PLXDC1: variants seen among roughly 807,000 people sequenced by gnomAD.
The protein encoded by PLXDC1 is plexin domain containing 1.
A neutral mutation model predicts 61.3 loss-of-function variants in PLXDC1; 39 were observed. The ratio of observed to expected loss-of-function variants is 0.64; its 90% CI spans 0.49 to 0.83. The LOEUF is 0.83. Among genes scored for constraint, PLXDC1 ranks in the 40% least tolerant of loss-of-function variants. PLXDC1 has a pLI of 0.00. For missense variants in PLXDC1, 596 were observed against 666.5 expected, an observed-to-expected ratio of 0.89 and a Z score of 1.17; for synonymous variants, 212 against 254.5, an observed-to-expected ratio of 0.83 and a Z score of 1.59.
chr17:39,069,810 C>T (rs937340205), intron 13 of PLXDC1, 46 bp downstream of exon 13: 23 of 1,538,222 alleles, frequency 1.5e-5, no homozygotes, highest in Middle Eastern at 1.9e-4. Context: ...CAGGAGACGC[C>T]GACGCAGAAG....
intron 2 of PLXDC1, among the ~76,000 whole-genome samples, chr17:39,120,706 C>T (rs1171157461): frequency 1.3e-5 from 2 of 151,202 alleles, no homozygotes; most frequent in Non-Finnish European, 2.9e-5. Context: ...ATCCTTCCGC[C>T]TCAGCCTCTT....
intron 7 of PLXDC1, among the ~76,000 whole-genome samples, chr17:39,102,338 A>G (rs1030898539): frequency 6.6e-6 from 1 of 152,184 alleles, no homozygotes; most frequent in Non-Finnish European, 1.5e-5. Context: ...AGTAGGTGAC[A>G]GGCATGCCCA....
intron 8 of PLXDC1, 42 bp downstream of exon 8, chr17:39,087,564 AC>A (rs1424127776): frequency 4.8e-6 from 7 of 1,457,662 alleles, no homozygotes; most frequent in Non-Finnish European, 6.7e-6. Context: ...AGTCTGCTTG[AC>A]TCCAGAGCTC....
At chr17:39,143,696 T>C (rs947484765) in intron 1 of PLXDC1, among the ~76,000 whole-genome samples, 1 of 152,248 alleles carries the variant, frequency 6.6e-6, no homozygotes, top group African/African-American at 2.4e-5. Context: ...TGGCGCCTAC[T>C]GGACCCTTGC....
intron 2 of PLXDC1, among the ~76,000 whole-genome samples, chr17:39,136,528 C>G (rs762332331): frequency 6.6e-6 from 1 of 152,008 alleles, no homozygotes; most frequent in African/African-American, 2.4e-5. Context: ...GGATTACAGG[C>G]GTGAGCCACC....
intron 11 of PLXDC1, among the ~76,000 whole-genome samples, chr17:39,075,028 T>A (rs1300867480): frequency 6.6e-6 from 1 of 152,156 alleles, no homozygotes; most frequent in Non-Finnish European, 1.5e-5. Context: ...GGTGCAATCA[T>A]AGCTCACTGC....
chr17:39,130,735 T>A (rs1286939496), intron 2 of PLXDC1, among the ~76,000 whole-genome samples: 6 of 151,908 alleles, frequency 3.9e-5, no homozygotes, highest in Admixed American at 1.3e-4. Flanking sequence ...TAATTTTGTA[T>A]TATTTTAGTA....
At chr17:39,075,239 G>A (rs78838079) in intron 11 of PLXDC1, among the ~76,000 whole-genome samples, 5,423 of 152,316 alleles carry the variant, frequency 0.036, 91 homozygotes, top group African/African-American at 0.041. Context: ...GATTACAGGC[G>A]TAAGCCTCCT....
intron 2 of PLXDC1, among the ~76,000 whole-genome samples, chr17:39,120,767 T>C (rs2143781067): frequency 6.8e-6 from 1 of 146,682 alleles, no homozygotes; most frequent in South Asian, 2.1e-4. Context: ...AATTTTTTTT[T>C]TTTTTTTTTT....
At chr17:39,129,556 G>T (rs1911466869) in intron 2 of PLXDC1, among the ~76,000 whole-genome samples, 1 of 151,480 alleles carries the variant, frequency 6.6e-6, no homozygotes, top group African/African-American at 2.4e-5. Flanking sequence ...GGCGGAGGTT[G>T]CAGTGAGCTG....
intron 1 of PLXDC1, among the ~76,000 whole-genome samples, chr17:39,148,068 G>A (rs952480438): frequency 2.0e-5 from 3 of 152,084 alleles, no homozygotes; most frequent in African/African-American, 7.2e-5. Flanking sequence ...CGGAGGGGAC[G>A]GCAGCTGGAG....
rs1342673935 is a variant in PLXDC1, at chr17:39,066,093, C to CT, written c.*1746dup. 6.6e-6 allele frequency: 1 copy of CT among 152,242 alleles called. No homozygotes were observed. The highest frequency in any genetic ancestry group is 1.9e-4 in the East Asian group (1 of 5,196). 9.4% of individuals were successfully genotyped at this position (152,242 alleles called of 1,614,324 possible). A position where few individuals can be genotyped will look rare whatever the true frequency, so the allele number is the denominator to read the frequency against. ...TGCTAGGTATGTCTCAAGGAGCCCT[C>CT]TAGCCACCCGACTTGTCTTTAATGC... On this transcript the variant is annotated 3_prime_UTR_variant, in exon 14 of 14. Transcript: ENST00000315392.
chr17:39,106,590 G>A (rs1910596488), intron 6 of PLXDC1, among the ~76,000 whole-genome samples: 1 of 151,480 alleles, frequency 6.6e-6, no homozygotes, highest in Middle Eastern at 3.5e-3. Flanking sequence ...CAAAGCGCTG[G>A]GGTTATGAGC....
intron 11 of PLXDC1, among the ~76,000 whole-genome samples, chr17:39,075,637 G>T (rs577927093): frequency 6.6e-6 from 1 of 152,144 alleles, no homozygotes. Context: ...TAATTTATGC[G>T]CTACTTTAGC....
At chr17:39,078,864 C>G (rs1409907714) in intron 10 of PLXDC1, among the ~76,000 whole-genome samples, 2 of 152,206 alleles carry the variant, frequency 1.3e-5, no homozygotes, top group Non-Finnish European at 2.9e-5. Context: ...TTGAGAGCTG[C>G]CCACTTAAGG....
chr17:39,066,606 GACGGAGTCTCGCTC>G lies in PLXDC1; in HGVS notation c.*1220_*1233del, dbSNP rs1314682597. 1.3e-4 allele frequency: 20 copies of G among 150,502 alleles called. No individual in the cohort carries two copies. The highest frequency in any genetic ancestry group is 9.2e-4 in the Admixed American group (14 of 15,142). 9.3% of individuals were successfully genotyped at this position (150,502 alleles called of 1,614,324 possible). ...ATCTGCTTTCTTTTTTTTTTTTTGA[GACGGAGTCTCGCTC>G]TGTCACCCAGGCTGGAGTGCAGTGG... On this transcript the variant is annotated 3_prime_UTR_variant, in exon 14 of 14. Transcript: ENST00000315392.
At chr17:39,096,323 G>C (rs185874509) in intron 7 of PLXDC1, among the ~76,000 whole-genome samples, 3 of 152,322 alleles carry the variant, frequency 2.0e-5, no homozygotes, top group Admixed American at 2.0e-4. Context: ...TCAGGGAGCA[G>C]AGTAGTGGGA....
chr17:39,138,635 G>C (rs986078727), intron 2 of PLXDC1, among the ~76,000 whole-genome samples: 3 of 151,934 alleles, frequency 2.0e-5, no homozygotes, highest in Non-Finnish European at 4.4e-5. Context: ...CCCAGACAGA[G>C]CCTTCTGAGA....
chr17:39,152,645 A>T (rs1382031263), upstream of PLXDC1: 4 of 1,242,768 alleles, frequency 3.2e-6, no homozygotes, highest in East Asian at 1.3e-4. Context: ...GGACTAGAAA[A>T]CCGCGGAGAG....
Sources: gnomAD v4.1 joint callset for allele counts (sites outside exome capture counted in the v4.1 genomes callset) on GRCh38, gnomAD v4.1.1 for gene constraint, MANE v1.5 for transcripts, NCBI Gene and HGNC (gene_info 2026-07-23, HGNC 2026-07-21) for gene names.